The following OAS3 variants were observed in gnomAD, a reference collection of about 807,000 sequenced individuals.
OAS3 encodes the protein 2'-5'-oligoadenylate synthase 3.
A neutral mutation model predicts 113.0 loss-of-function variants in OAS3; 107 were observed. That is an observed-to-expected ratio of 0.95 (90% CI 0.81 to 1.11). The LOEUF (loss-of-function observed/expected upper bound fraction) is 1.11, where lower values mean the gene tolerates loss of function less well. Ranked by LOEUF, OAS3 falls within the 50% of genes most tolerant of loss-of-function variation. The probability of loss-of-function intolerance (pLI) is 0.00; values close to 1 mark genes in which losing one functional copy is unlikely to be tolerated. For synonymous variants in OAS3, 552 were observed against 573.6 expected, an observed-to-expected ratio of 0.96 and a Z score of 0.54; for missense variants, 1,258 against 1,389.1, an observed-to-expected ratio of 0.91 and a Z score of 1.50.
intron 1 of OAS3, among the ~76,000 whole-genome samples, chr12:112,939,130 C>T (rs2043657057): frequency 6.6e-6 from 1 of 152,120 alleles, no homozygotes; most frequent in African/African-American, 2.4e-5. Flanking sequence ...TAACACTCCG[C>T]GTAACAGCCA....
Position 112,948,096 on chromosome 12 carries a change from G to A in OAS3, c.1026G>A (p.Gly342=). 4 of 1,524,632 alleles carry A rather than the reference G, an allele frequency of 2.6e-6. No individual in the cohort carries two copies. Among genetic ancestry groups the A allele is most frequent in the Non-Finnish European group, 3.5e-6 (4 of 1,137,938 alleles). 94.4% of individuals were successfully genotyped at this position (1,524,632 alleles called of 1,614,324 possible). A position where few individuals can be genotyped will look rare whatever the true frequency, so the allele number is the denominator to read the frequency against. Residue 342 remains glycine, a synonymous_variant, in exon 5 of 16, where the codon GGG becomes GGA. Coordinates refer to ENST00000228928, the MANE Select transcript of OAS3 (RefSeq NM_006187.4). The part of the protein sequence containing the change: ...GMGDPVQSWK[G]PGLPRAGCSG... Reference sequence around the variant, plus strand: ...GGGACCCAGTGCAGTCTTGGAAGGGGCCGGTAAGTGAGGGGGCCCCAGGAC... The same window carrying A: ...GGGACCCAGTGCAGTCTTGGAAGGGACCGGTAAGTGAGGGGGCCCCAGGAC...
In OAS3 at chr12:112,965,989, G is replaced by A. The variant is rs1374271389; in HGVS notation, c.2649G>A (p.Gln883=). Residue 883 remains glutamine (Q), a synonymous_variant, in exon 12 of 16, where the codon CAG becomes CAA. Transcript: ENST00000228928. ...TGACATCCCAGACGATGCTGGACCAGAGTGTGGACTTTGATGTGCTGCCAG... is the reference window on the plus strand; with the variant it reads ...TGACATCCCAGACGATGCTGGACCAAAGTGTGGACTTTGATGTGCTGCCAG... The part of the protein sequence containing the change: ...FSLTSQTMLD[Q]SVDFDVLPAF... 7 of 1,613,970 alleles carry A rather than the reference G, an allele frequency of 4.3e-6. No individual in the cohort carries two copies. The African/African-American group carries it at 8.0e-5, about 18-fold the overall frequency.
rs1005803713 is a variant in OAS3, at chr12:112,939,856, G to A, written c.177+1149G>A. On this transcript the variant is annotated intron_variant, in intron 1 of 15. Coordinates refer to ENST00000228928, the MANE Select transcript of OAS3 (RefSeq NM_006187.4). The stretch of plus-strand genomic sequence containing the variant: ...GGTTGTCAGGAGAGGGAGTGAAAAC[G>A]CAGAGTAGAAATGGCCTCAGAGCAC... Among the ~76,000 whole-genome samples the A allele has an allele frequency of 7.6e-4, 115 of 152,174 alleles. 1 individual carries two copies. Among genetic ancestry groups the A allele is most frequent in the African/African-American group, 2.6e-3 (109 of 41,454 alleles).
rs767053388 is a variant in OAS3 at position 112,949,192 on chromosome 12, C to G, written c.1361C>G (p.Ser454Ter). The change falls in exon 6 of 16, where the codon TCA (serine) becomes TGA (stop). Residue 454 changes from serine (S) to a stop codon, truncating the protein, a stop_gained. Transcript: ENST00000228928. LOFTEE classifies it high-confidence loss of function. ...CLHENCVHKA[S>*]RVSKGGSFGR... ...CATGAGAACTGTGTTCACAAGGCCT[C>G]AAGAGTCAGTAAAGTGAGTTGGGCC... 13 of 1,610,254 alleles carry G rather than the reference C, an allele frequency of 8.1e-6. No homozygotes were observed. The highest frequency in any genetic ancestry group is 1.0e-5 in the Non-Finnish European group (12 of 1,179,634).
Position 112,954,945 on chromosome 12 carries a change from A to G in OAS3, c.1657+3970A>G, listed in dbSNP as rs1285122026. On this transcript the variant is annotated intron_variant, in intron 7 of 15. Coordinates refer to ENST00000228928, the MANE Select transcript of OAS3 (RefSeq NM_006187.4). The surrounding 1 kb of genome is among the most constrained non-coding windows in gnomAD (Gnocchi z 4.0). ...CATTTTCACAATATTGATTCTTCCT[A>G]TCCATGAGCATGGAATGTTCTTCCA... Among the ~76,000 whole-genome samples, 1 of 152,172 alleles carries G rather than the reference A, an allele frequency of 6.6e-6. No homozygotes were observed. The highest frequency in any genetic ancestry group is 1.5e-5 in the Non-Finnish European group (1 of 68,026).
chr12:112,944,787 A>C (rs1593174689), intron 3 of OAS3, 136 bp downstream of exon 3: 2 of 927,422 alleles, frequency 2.2e-6, no homozygotes, highest in East Asian at 5.2e-5. Flanking sequence ...TCCCTTGTGC[A>C]TTATTTTCTC....
intron 9 of OAS3, 51 bp downstream of exon 9, chr12:112,962,953 T>C: frequency 1.2e-6 from 2 of 1,602,938 alleles, no homozygotes; most frequent in South Asian, 1.1e-5. Context: ...CCCTCCCCAC[T>C]GTCACCCTGG....
chr12:112,966,965 T>G (rs1254855721), intron 12 of OAS3, among the ~76,000 whole-genome samples: 1 of 152,172 alleles, frequency 6.6e-6, no homozygotes, highest in African/African-American at 2.4e-5. Context: ...CTGAATCTAC[T>G]CAGTTCTTCA....
At chr12:112,953,479 T>A (rs1263478582) in intron 7 of OAS3, among the ~76,000 whole-genome samples, 2 of 152,238 alleles carry the variant, frequency 1.3e-5, no homozygotes, top group Non-Finnish European at 2.9e-5. Flanking sequence ...GCAGCATGAT[T>A]TATAATCCTT....
At position 112,965,946 on chromosome 12, in the gene OAS3, G is replaced by A. The variant is rs16942374; in HGVS notation, c.2606G>A (p.Arg869His). 3.5e-4 allele frequency: 560 copies of A among 1,613,944 alleles called. 2 individuals carry two copies. In the East Asian group the frequency reaches 7.6e-3, roughly 22 times the overall value. The part of the protein sequence containing the change: ...KFEVSKWENP[R>H]VLSFSLTSQT... Reference sequence around the variant, plus strand: ...GAAGTCTCCAAATGGGAGAATCCCCGCGTGCTGAGCTTCTCACTGACATCC... The same window carrying A: ...GAAGTCTCCAAATGGGAGAATCCCCACGTGCTGAGCTTCTCACTGACATCC... Residue 869 changes from arginine (R) to histidine (H), a missense_variant, in exon 12 of 16, where the codon CGC becomes CAC. Physicochemically the swap from Arg to His is conservative, Grantham distance 29. Coordinates refer to ENST00000228928, the MANE Select transcript of OAS3 (RefSeq NM_006187.4).
chr12:112,947,124 G>A (rs974364412), intron 4 of OAS3, 143 bp downstream of exon 4: 1 of 658,634 alleles, frequency 1.5e-6, no homozygotes, highest in Admixed American at 2.7e-5. Context: ...TTAATTCACT[G>A]GACTCAGCCC....
At chr12:112,962,549 T>C (rs2043896402) in intron 8 of OAS3, 103 bp from the exon 9 acceptor site, 3 of 1,360,692 alleles carry the variant, frequency 2.2e-6, no homozygotes, top group Non-Finnish European at 3.0e-6. Context: ...CTATTCTTTC[T>C]GCGCTTCTAT....
chr12:112,944,404 C>A, intron 2 of OAS3, 72 bp from the exon 3 acceptor site: 2 of 1,553,662 alleles, frequency 1.3e-6, no homozygotes, highest in Non-Finnish European at 1.8e-6. Flanking sequence ...CCAGGCTGAG[C>A]TCGGCACCAA....
intron 12 of OAS3, among the ~76,000 whole-genome samples, chr12:112,966,676 T>A (rs1253112869): frequency 6.6e-6 from 1 of 152,114 alleles, no homozygotes; most frequent in Non-Finnish European, 1.5e-5. Context: ...GGGTCTTACT[T>A]TATCACCTGG....
intron 11 of OAS3, among the ~76,000 whole-genome samples, chr12:112,964,615 A>C (rs2043918305): frequency 6.6e-6 from 1 of 151,816 alleles, no homozygotes; most frequent in Non-Finnish European, 1.5e-5. Flanking sequence ...AGTGACACCT[A>C]ACTCAAAAGA....
Position 112,962,693 on chromosome 12 carries a change from T to A in OAS3, c.1875T>A (p.Ser625=). The A allele has an allele frequency of 1.2e-6, 2 of 1,614,018 alleles. No homozygotes were observed. The highest frequency in any genetic ancestry group is 1.7e-6 in the Non-Finnish European group (2 of 1,179,888). Reference sequence around the variant, plus strand: ...AAGGAAAAGGACCAGCCCCTGCCTCTCTGCCCCCAGCCTATGCCCTGGAGC... The same window carrying A: ...AAGGAAAAGGACCAGCCCCTGCCTCACTGCCCCCAGCCTATGCCCTGGAGC... ...QNKGKGPAPA[S]LPPAYALELL... Residue 625 remains serine, a synonymous_variant, in exon 9 of 16, where the codon TCT becomes TCA. Transcript: ENST00000228928.
chr12:112,943,777 G>A (rs1467257594), intron 2 of OAS3, among the ~76,000 whole-genome samples: 3 of 152,206 alleles, frequency 2.0e-5, no homozygotes, highest in Middle Eastern at 3.4e-3. Flanking sequence ...GCAGTGGTAC[G>A]ATCTCAGCTC....
chr12:112,962,370 A>G (rs1008602103), intron 8 of OAS3, among the ~76,000 whole-genome samples: 4 of 152,212 alleles, frequency 2.6e-5, no homozygotes, highest in Non-Finnish European at 4.4e-5. Context: ...TCCGTCTTCA[A>G]TTAGAGTTAC....
chr12:112,971,473 C>T lies in OAS3; in HGVS notation c.*1500C>T, dbSNP rs45575939. 9.7e-3 allele frequency: 1,474 copies of T among 152,490 alleles called. 12 individuals are homozygous for T. Among genetic ancestry groups the T allele is most frequent in the South Asian group, 0.032 (153 of 4,826 alleles). The allele number at this position is 152,490 out of a possible 1,614,324, so 9.4% of individuals were successfully genotyped here. On this transcript the variant is annotated 3_prime_UTR_variant, in exon 16 of 16. Transcript: ENST00000228928. Reference sequence around the variant, plus strand: ...TGTATGATTGAATGGGTGCCAAGTGCCAGGGGGCGGAGTCCCCAGCAGATG... The same window carrying T: ...TGTATGATTGAATGGGTGCCAAGTGTCAGGGGGCGGAGTCCCCAGCAGATG...
Sources: allele counts gnomAD v4.1 joint callset (sites outside exome capture counted in the v4.1 genomes callset), GRCh38; gene constraint gnomAD v4.1.1; non-coding constraint Gnocchi (gnomAD v3.1); transcripts MANE v1.5; gene names NCBI Gene and HGNC (gene_info 2026-07-23, HGNC 2026-07-21).